NAV3: variants seen among roughly 807,000 people sequenced by gnomAD.
NAV3 encodes neuron navigator 3, also known as pore membrane and/or filament interacting like protein 1.
Under a neutral mutation model 244.7 loss-of-function variants are expected in NAV3, and 87 were observed. The ratio of observed to expected loss-of-function variants is 0.36; its 90% CI spans 0.30 to 0.42. NAV3 has a LOEUF of 0.42. Ranked by LOEUF, NAV3 falls within the 20% of genes least tolerant of loss-of-function variation. The pLI, the probability that NAV3 is intolerant of heterozygous loss-of-function variation, is 1.00. For missense variants in NAV3, 2,663 were observed against 2,893.3 expected, an observed-to-expected ratio of 0.92 and a Z score of 1.83; for synonymous variants, 1,126 against 1,042.2, an observed-to-expected ratio of 1.08 and a Z score of -1.55.
intron 2 of NAV3, among the ~76,000 whole-genome samples, chr12:77,660,952 C>T (rs966204172): frequency 6.6e-6 from 1 of 152,126 alleles, no homozygotes; most frequent in Non-Finnish European, 1.5e-5. Flanking sequence ...AATAGTATTC[C>T]ATTGTCTGGA....
At chr12:77,616,738 A>G (rs1288719407) in intron 2 of NAV3, among the ~76,000 whole-genome samples, 2 of 151,970 alleles carry the variant, frequency 1.3e-5, no homozygotes, top group Non-Finnish European at 2.9e-5. Context: ...GCGCACACAC[A>G]CACACACACA....
chr12:78,139,812 ATGT>A (rs891163496), intron 19 of NAV3, among the ~76,000 whole-genome samples: 35 of 152,210 alleles, frequency 2.3e-4, no homozygotes, highest in Admixed American at 2.2e-3. Context: ...ATCACAGATA[ATGT>A]TGTAATAACA....
intron 2 of NAV3, among the ~76,000 whole-genome samples, chr12:77,616,670 A>C (rs1296689130): frequency 1.3e-5 from 2 of 152,026 alleles, no homozygotes; most frequent in East Asian, 3.9e-4. Context: ...CTACCTCCAA[A>C]GCTTGCTATT....
intron 2 of NAV3, among the ~76,000 whole-genome samples, chr12:77,822,979 C>T (rs1388031733): frequency 6.6e-6 from 1 of 152,130 alleles, no homozygotes; most frequent in Non-Finnish European, 1.5e-5. Flanking sequence ...TTCCCTCCAC[C>T]TTAAGTATAA....
chr12:77,657,036 A>T (rs911548141), intron 2 of NAV3, among the ~76,000 whole-genome samples: 6 of 152,212 alleles, frequency 3.9e-5, no homozygotes, highest in African/African-American at 1.4e-4. Flanking sequence ...CCCTAGCATC[A>T]CAATTAAAAG....
In NAV3 at chr12:78,127,185, T is replaced by C. The variant is rs1425747424; in HGVS notation, c.4257T>C (p.Asn1419=). 1 of 1,613,738 alleles carries C rather than the reference T, an allele frequency of 6.2e-7. No homozygotes were observed. The highest frequency in any genetic ancestry group is 2.2e-5 in the East Asian group (1 of 44,856). Residue 1419 remains asparagine (N), a synonymous_variant, in exon 17 of 40, where the codon AAT becomes AAC. Coordinates refer to ENST00000397909, the MANE Select transcript of NAV3 (RefSeq NM_001024383.2). ...TLSESMQLDR[N]TLPKKGLRYT... is the part of the protein sequence containing the mutation. Reference sequence around the variant, plus strand: ...TTAACAGCATGCAGCTTGACAGAAATACACTACCCAAAAAGGGACTAAGGT... The same window carrying C: ...TTAACAGCATGCAGCTTGACAGAAACACACTACCCAAAAAGGGACTAAGGT...
chr12:78,069,218 C>G (rs997377913), intron 12 of NAV3, among the ~76,000 whole-genome samples: 15 of 151,724 alleles, frequency 9.9e-5, no homozygotes, highest in Non-Finnish European at 2.2e-4. Flanking sequence ...TTTTTTAAAG[C>G]CTTACCAGAG....
At chr12:78,006,215 C>T (rs1240074939) in intron 7 of NAV3, among the ~76,000 whole-genome samples, 1 of 151,896 alleles carries the variant, frequency 6.6e-6, no homozygotes, top group African/African-American at 2.4e-5. Context: ...GCCCCCACCC[C>T]AGAATCAATG....
intron 3 of NAV3, among the ~76,000 whole-genome samples, chr12:77,948,322 T>A (rs1337989133): frequency 6.6e-6 from 1 of 152,128 alleles, no homozygotes; most frequent in Admixed American, 6.6e-5. Context: ...AAATAGAAAT[T>A]GGAATAAAGT....
intron 11 of NAV3, among the ~76,000 whole-genome samples, chr12:78,054,740 C>G (rs953620008): frequency 1.3e-5 from 2 of 152,012 alleles, no homozygotes; most frequent in African/African-American, 2.4e-5. Context: ...AATTAAGATA[C>G]CTACATCATA....
At chr12:77,972,499 T>G (rs1005147741) in intron 5 of NAV3, among the ~76,000 whole-genome samples, 6 of 152,156 alleles carry the variant, frequency 3.9e-5, no homozygotes, top group Admixed American at 3.9e-4. Context: ...TATCTTGCTA[T>G]ATTCCGAAAT....
intron 2 of NAV3, among the ~76,000 whole-genome samples, chr12:77,781,744 G>A (rs1870671420): frequency 6.6e-6 from 1 of 152,158 alleles, no homozygotes; most frequent in Non-Finnish European, 1.5e-5. Flanking sequence ...TTTACAATCT[G>A]GAAGTTCAAT....
At chr12:78,048,588 A>G (rs1049436557) in intron 9 of NAV3, among the ~76,000 whole-genome samples, 5 of 152,118 alleles carry the variant, frequency 3.3e-5, no homozygotes, top group Non-Finnish European at 5.9e-5. Context: ...CTTCCTCTGG[A>G]AGCTTCATCC....
intron 9 of NAV3, among the ~76,000 whole-genome samples, chr12:78,045,023 T>C (rs2137136927): frequency 6.6e-6 from 1 of 152,316 alleles, no homozygotes; most frequent in East Asian, 1.9e-4. Context: ...TCAAAGGGAA[T>C]GCTTCCAGCT....
At chr12:78,183,934 C>T (rs887874671) in intron 30 of NAV3, among the ~76,000 whole-genome samples, 1 of 151,818 alleles carries the variant, frequency 6.6e-6, no homozygotes, top group African/African-American at 2.4e-5. Context: ...TTACACATCT[C>T]AGGGTTTTGC....
chr12:77,723,160 C>T (rs1039473054), intron 2 of NAV3, among the ~76,000 whole-genome samples: 5 of 151,942 alleles, frequency 3.3e-5, no homozygotes, highest in African/African-American at 1.2e-4. Context: ...CATGCTCTCT[C>T]CATGTAGAAG....
At chr12:78,201,421 A>C (rs1481390776) in intron 38 of NAV3, among the ~76,000 whole-genome samples, 1 of 151,720 alleles carries the variant, frequency 6.6e-6, no homozygotes, top group African/African-American at 2.4e-5. Context: ...TGGAGAGAGT[A>C]CTCTAAATTC....
intron 2 of NAV3, among the ~76,000 whole-genome samples, chr12:77,742,513 A>C (rs1392477878): frequency 6.8e-6 from 1 of 146,956 alleles, no homozygotes; most frequent in Non-Finnish European, 1.5e-5. Flanking sequence ...ATATCAAAAA[A>C]AATAAGAAAG....
At chr12:77,713,113 A>T (rs1349714906) in intron 2 of NAV3, among the ~76,000 whole-genome samples, 6 of 152,180 alleles carry the variant, frequency 3.9e-5, no homozygotes, top group Non-Finnish European at 8.8e-5. Context: ...TGGCTTTTTC[A>T]ATTGATCACA....
Sources: allele counts gnomAD v4.1 joint callset (sites outside exome capture counted in the v4.1 genomes callset), GRCh38; gene constraint gnomAD v4.1.1; transcripts MANE v1.5; gene names NCBI Gene and HGNC (gene_info 2026-07-23, HGNC 2026-07-21).